The following SV2B variants were observed in gnomAD, a reference collection of about 807,000 sequenced individuals.
SV2B encodes the protein solute carrier family 22 member B2.
In SV2B, 41 loss-of-function variants were observed where a neutral mutation model predicts 73.9. The observed-to-expected ratio is 0.56, with a 90% CI of 0.43 to 0.72. SV2B has a LOEUF of 0.72. SV2B is among the 30% of genes least tolerant of loss of function. The pLI is 0.00. For missense variants in SV2B, 764 were observed against 857.8 expected (o/e 0.89, Z 1.37); for synonymous variants, 314 against 314.2 (o/e 1.00, Z 0.01).
chr15:91,190,013 GA>G (rs2044945876), intron 1 of SV2B, among the ~76,000 whole-genome samples: 1 of 151,740 alleles, frequency 6.6e-6, no homozygotes, highest in African/African-American at 2.4e-5. Flanking sequence ...AAGAAAGAAA[GA>G]AAAATTCCTT....
chr15:91,181,056 T>A (rs1361285653), intron 1 of SV2B, among the ~76,000 whole-genome samples: 2 of 152,192 alleles, frequency 1.3e-5, no homozygotes, highest in Non-Finnish European at 2.9e-5. Flanking sequence ...GATGGTGATG[T>A]ACAGATGGGT....
intron 1 of SV2B, among the ~76,000 whole-genome samples, chr15:91,119,720 C>T (rs1260031486): frequency 6.6e-6 from 1 of 152,254 alleles, no homozygotes; most frequent in African/African-American, 2.4e-5. Context: ...TAGCACTATG[C>T]ATGTGCCCCT....
chr15:91,261,419 C>A lies in SV2B; in HGVS notation c.1008+1010C>A, dbSNP rs1302786459. ...ATCATTTTAATAAACAGTAATGTTA[C>A]AAACATTAACATGGTTTTCCTAACA... is the stretch of plus-strand genomic sequence containing the variant. On this transcript the variant is annotated intron_variant, in intron 6 of 12. Transcript: ENST00000394232. The surrounding 1 kb of genome is among the most constrained non-coding windows in gnomAD (Gnocchi z 4.7). Among the ~76,000 whole-genome samples, 1 of 152,164 alleles carries A rather than the reference C, an allele frequency of 6.6e-6. No homozygotes were observed. Among genetic ancestry groups the A allele is most frequent in the Non-Finnish European group, 1.5e-5 (1 of 68,030 alleles).
chr15:91,278,790 A>G (rs372022018), intron 9 of SV2B, among the ~76,000 whole-genome samples: 45 of 149,638 alleles, frequency 3.0e-4, no homozygotes, highest in African/African-American at 1.1e-3. Context: ...TGATCCTCTT[A>G]TTTGTCTTTT....
In SV2B at chr15:91,229,131, T is replaced by A. The variant is rs541544283; in HGVS notation, c.451+2417T>A. Among the ~76,000 whole-genome samples the A allele has an allele frequency of 3.3e-5, 5 of 152,328 alleles. No homozygotes were observed. The East Asian group carries it at 9.6e-4, about 29-fold the overall frequency. ...TGCCGTGCACAGGCTGCTCTCTGTG[T>A]CATCAAGCACCTCATAGATTACTTG... On this transcript the variant is annotated intron_variant, in intron 2 of 12. Coordinates refer to ENST00000394232, the MANE Select transcript of SV2B (RefSeq NM_001323032.3). The surrounding 1 kb of genome is among the most constrained non-coding windows in gnomAD (Gnocchi z 4.3).
chr15:91,118,135 A>G lies in SV2B; in HGVS notation c.-392+17772A>G, dbSNP rs78614663. Among the ~76,000 whole-genome samples the G allele has an allele frequency of 0.018, 2,787 of 152,242 alleles. 93 individuals are homozygous for G. Among genetic ancestry groups the G allele is most frequent in the African/African-American group, 0.064 (2,642 of 41,524 alleles). On this transcript the variant is annotated intron_variant, in intron 1 of 12. Transcript: ENST00000394232. The surrounding 1 kb of genome is among the most constrained non-coding windows in gnomAD (Gnocchi z 4.7). ...AGGTGAAACACTTTTTGTTCCCCAT[A>G]AAACCAAGAAAAGGGCCTCCAAGAG...
At position 91,143,638 on chromosome 15, in the gene SV2B, G is replaced by A. The variant is rs147108992; in HGVS notation, c.-392+43275G>A. 5.3e-3 allele frequency among the ~76,000 whole-genome samples: 814 copies of A among 152,250 alleles called. 5 individuals are homozygous for A. Among genetic ancestry groups the A allele is most frequent in the African/African-American group, 0.019 (771 of 41,530 alleles). The stretch of plus-strand genomic sequence containing the variant: ...ATCCCAGAAAACGCAGCATTCTTAC[G>A]TGTGATGTTAACATCATTCTCGAAC... On this transcript the variant is annotated intron_variant, in intron 1 of 12. Coordinates refer to ENST00000394232, the MANE Select transcript of SV2B (RefSeq NM_001323032.3).
chr15:91,131,150 T>G (rs1172390787), intron 1 of SV2B, among the ~76,000 whole-genome samples: 4 of 144,506 alleles, frequency 2.8e-5, no homozygotes, highest in African/African-American at 7.5e-5. Flanking sequence ...TTTTCTTGTT[T>G]TTTTTTTTTT....
Position 91,231,132 on chromosome 15 carries a change from C to G in SV2B, c.451+4418C>G, listed in dbSNP as rs543006559. Among the ~76,000 whole-genome samples, 5 of 151,940 alleles carry G rather than the reference C, an allele frequency of 3.3e-5. No individual in the cohort carries two copies. Among genetic ancestry groups the G allele is most frequent in the Non-Finnish European group, 7.4e-5 (5 of 68,014 alleles). On this transcript the variant is annotated intron_variant, in intron 2 of 12. Coordinates refer to ENST00000394232, the MANE Select transcript of SV2B (RefSeq NM_001323032.3). This position sits in a 1 kb window ranked among gnomAD's most constrained non-coding sequence, Gnocchi z 4.5. The stretch of plus-strand genomic sequence containing the variant: ...CTGGGTATGTAAAAAAAAAATCACC[C>G]GAAGAAATGATTAAACTTAGGAAGC...
chr15:91,238,172 C>G lies in SV2B; in HGVS notation c.451+11458C>G, dbSNP rs547222727. 2.0e-5 allele frequency among the ~76,000 whole-genome samples: 3 copies of G among 152,296 alleles called. No individual in the cohort carries two copies. The South Asian group carries it at 6.2e-4, about 32-fold the overall frequency. The stretch of plus-strand genomic sequence containing the variant: ...GTTGTTTCCCACTGTCTTATATAAC[C>G]TGTTCCTTTTTTTCTAATTTAAAAT... On this transcript the variant is annotated intron_variant, in intron 2 of 12. Coordinates refer to ENST00000394232, the MANE Select transcript of SV2B (RefSeq NM_001323032.3).
chr15:91,188,196 A>G (rs892250621), intron 1 of SV2B, among the ~76,000 whole-genome samples: 1 of 152,114 alleles, frequency 6.6e-6, no homozygotes, highest in Non-Finnish European at 1.5e-5. Context: ...CAAGGCCTAA[A>G]AAGAACCCAA....
chr15:91,211,647 G>A (rs2045868020), intron 1 of SV2B, among the ~76,000 whole-genome samples: 1 of 151,654 alleles, frequency 6.6e-6, no homozygotes, highest in South Asian at 2.1e-4. Flanking sequence ...GGAATTACAG[G>A]TGCCCACCAC....
intron 4 of SV2B, among the ~76,000 whole-genome samples, chr15:91,257,309 T>C (rs1446532717): frequency 6.6e-6 from 1 of 152,228 alleles, no homozygotes; most frequent in Non-Finnish European, 1.5e-5. Flanking sequence ...ATTCTACAGC[T>C]GCGAAAACCC....
intron 6 of SV2B, among the ~76,000 whole-genome samples, 166 bp from the exon 7 acceptor site, chr15:91,266,416 G>A (rs1242622330): frequency 6.6e-6 from 1 of 152,150 alleles, no homozygotes; most frequent in Non-Finnish European, 1.5e-5. Flanking sequence ...AAAGTTTATT[G>A]GAGGAGGTGA....
intron 1 of SV2B, among the ~76,000 whole-genome samples, chr15:91,203,548 T>G (rs1248058680): frequency 6.6e-6 from 1 of 152,250 alleles, no homozygotes; most frequent in African/African-American, 2.4e-5. Flanking sequence ...CAAACACTAT[T>G]AAGTTTCTAT....
Position 91,288,900 on chromosome 15 carries a change from A to T in SV2B, c.1709-621A>T, listed in dbSNP as rs113189397. Among the ~76,000 whole-genome samples, 2,189 of 152,098 alleles carry T rather than the reference A, an allele frequency of 0.014. 53 individuals carry two copies. Among genetic ancestry groups the T allele is most frequent in the African/African-American group, 0.05 (2,083 of 41,462 alleles). On this transcript the variant is annotated intron_variant, in intron 11 of 12. Coordinates refer to ENST00000394232, the MANE Select transcript of SV2B (RefSeq NM_001323032.3). The surrounding 1 kb of genome is among the most constrained non-coding windows in gnomAD (Gnocchi z 5.8). ...ATCATGTTGGTCAGGCTGGTCTCGA[A>T]CTCCTGACCTCAAGTGATCCACCCA...
intron 1 of SV2B, among the ~76,000 whole-genome samples, chr15:91,117,037 G>T (rs916462945): frequency 6.6e-6 from 1 of 152,162 alleles, no homozygotes; most frequent in African/African-American, 2.4e-5. Context: ...TACAATTCAA[G>T]ATGAGATTTG....
At chr15:91,237,486 C>G (rs956202721) in intron 2 of SV2B, among the ~76,000 whole-genome samples, 2 of 152,218 alleles carry the variant, frequency 1.3e-5, no homozygotes, top group African/African-American at 4.8e-5. Context: ...ATAGAATCAC[C>G]TGAGGAGCTG....
At position 91,293,323 on chromosome 15, in the gene SV2B, T is replaced by C. The variant is rs1403615039; in HGVS notation, c.*771T>C. On this transcript the variant is annotated 3_prime_UTR_variant, in exon 13 of 13. Transcript: ENST00000394232. Reference sequence around the variant, plus strand: ...GCAAATATTGCCAGCATTTTAGCCATATTTTGGGAGAACTTGGTGTTTGAG... The same window carrying C: ...GCAAATATTGCCAGCATTTTAGCCACATTTTGGGAGAACTTGGTGTTTGAG... 6.6e-6 allele frequency: 1 copy of C among 152,242 alleles called. No individual in the cohort carries two copies. The highest frequency in any genetic ancestry group is 2.4e-5 in the African/African-American group (1 of 41,468). 9.4% of individuals were successfully genotyped at this position (152,242 alleles called of 1,614,324 possible). A position where few individuals can be genotyped will look rare whatever the true frequency, so the allele number is the denominator to read the frequency against.
Sources: allele counts gnomAD v4.1 joint callset (sites outside exome capture counted in the v4.1 genomes callset), GRCh38; gene constraint gnomAD v4.1.1; non-coding constraint Gnocchi (gnomAD v3.1); transcripts MANE v1.5; gene names NCBI Gene and HGNC (gene_info 2026-07-23, HGNC 2026-07-21).